MACROD2: variants seen among roughly 807,000 people sequenced by gnomAD.
MACROD2 encodes the protein mono-ADP ribosylhydrolase 2.
Under a neutral mutation model 70.4 loss-of-function variants are expected in MACROD2, and 36 were observed. The observed-to-expected ratio is 0.51, with a 90% CI of 0.39 to 0.68. The LOEUF is 0.68. Ranked by LOEUF, MACROD2 falls within the 30% of genes least tolerant of loss-of-function variation. MACROD2 has a pLI of 0.00. For missense variants in MACROD2, 496 were observed against 538.4 expected (o/e 0.92, Z 0.78); for synonymous variants, 172 against 178.8 (o/e 0.96, Z 0.30).
intron 5 of MACROD2, among the ~76,000 whole-genome samples, chr20:15,211,919 G>T (rs1414561359): frequency 1.3e-5 from 2 of 152,176 alleles, no homozygotes; most frequent in Non-Finnish European, 2.9e-5. Flanking sequence ...TGGTAACTCT[G>T]TGTTTAACAT....
At chr20:14,732,484 C>T (rs753886788) in intron 5 of MACROD2, among the ~76,000 whole-genome samples, 13 of 152,068 alleles carry the variant, frequency 8.5e-5, no homozygotes, top group Non-Finnish European at 1.6e-4. Flanking sequence ...GGAAAAAAAT[C>T]AATAGTGTCC....
intron 3 of MACROD2, among the ~76,000 whole-genome samples, chr20:14,451,457 CAA>C (rs1308684039): frequency 6.6e-6 from 1 of 152,068 alleles, no homozygotes; most frequent in African/African-American, 2.4e-5. Context: ...GACAAAAAAA[CAA>C]AGTGTGTTAC....
chr20:14,619,277 C>T (rs899506865), intron 4 of MACROD2, among the ~76,000 whole-genome samples: 2 of 150,850 alleles, frequency 1.3e-5, no homozygotes, highest in African/African-American at 4.9e-5. Flanking sequence ...TCCAAAGCCT[C>T]CCTCTAACTA....
chr20:15,133,482 A>G (rs1347937499), intron 5 of MACROD2, among the ~76,000 whole-genome samples: 4 of 152,132 alleles, frequency 2.6e-5, no homozygotes, highest in African/African-American at 9.7e-5. Context: ...AAAATCTAAT[A>G]TTTATACCCA....
At chr20:14,077,624 A>C (rs148005475) in intron 2 of MACROD2, among the ~76,000 whole-genome samples, 14 of 152,254 alleles carry the variant, frequency 9.2e-5, no homozygotes, top group African/African-American at 3.4e-4. Flanking sequence ...GTCTTAAAAT[A>C]AGATTACTGG....
At chr20:15,978,582 G>GTCTCTCTCTC (rs59205516) in intron 13 of MACROD2, among the ~76,000 whole-genome samples, 2,881 of 146,362 alleles carry the variant, frequency 0.02, 42 homozygotes, top group African/African-American at 0.021. Flanking sequence ...CTGACCTTGG[G>GTCTCTCTCTC]TCTCTCTCTC....
chr20:14,182,848 C>T (rs1416101123), intron 3 of MACROD2, among the ~76,000 whole-genome samples: 1 of 151,834 alleles, frequency 6.6e-6, no homozygotes, highest in Non-Finnish European at 1.5e-5. Flanking sequence ...CTTTTCCAGG[C>T]CTTTTGCTTG....
chr20:14,119,951 G>A (rs773544059), intron 3 of MACROD2, among the ~76,000 whole-genome samples: 1 of 152,088 alleles, frequency 6.6e-6, no homozygotes, highest in Non-Finnish European at 1.5e-5. Context: ...GCTCACGCCT[G>A]TAATCCCAGC....
chr20:14,347,295 A>G (rs1291476583), intron 3 of MACROD2, among the ~76,000 whole-genome samples: 2 of 152,188 alleles, frequency 1.3e-5, no homozygotes, highest in Non-Finnish European at 2.9e-5. Context: ...AACATTCATA[A>G]TGCACATATG....
chr20:14,827,113 A>G (rs2072910558), intron 5 of MACROD2, among the ~76,000 whole-genome samples: 1 of 152,144 alleles, frequency 6.6e-6, no homozygotes, highest in South Asian at 2.1e-4. Flanking sequence ...CTACATTAGC[A>G]TCATCGCGTC....
chr20:14,812,984 G>A (rs1463014916), intron 5 of MACROD2, among the ~76,000 whole-genome samples: 2 of 152,014 alleles, frequency 1.3e-5, no homozygotes, highest in African/African-American at 4.8e-5. Flanking sequence ...TTATGAATTT[G>A]CTGGAGTGGC....
intron 5 of MACROD2, among the ~76,000 whole-genome samples, chr20:14,937,971 A>G (rs760403891): frequency 4.8e-5 from 7 of 147,128 alleles, no homozygotes; most frequent in Non-Finnish European, 7.5e-5. Context: ...CACAATAACC[A>G]CCAGTTCCAT....
intron 6 of MACROD2, among the ~76,000 whole-genome samples, chr20:15,295,985 T>TA (rs2077584379): frequency 6.6e-6 from 1 of 152,314 alleles, no homozygotes; most frequent in Admixed American, 6.5e-5. Flanking sequence ...CACAATCCTA[T>TA]AAAATCCCCA....
Sources: gnomAD v4.1 joint callset for allele counts (sites outside exome capture counted in the v4.1 genomes callset) on GRCh38, gnomAD v4.1.1 for gene constraint, MANE v1.5 for transcripts, NCBI Gene and HGNC (gene_info 2026-07-23, HGNC 2026-07-21) for gene names.